RBM38: variants seen among roughly 807,000 people sequenced by gnomAD.
The protein encoded by RBM38 is RNA-binding protein 38.
RBM38 carries 11 observed loss-of-function variants against 23.5 expected under a neutral mutation model. The ratio of observed to expected loss-of-function variants is 0.47; its 90% CI spans 0.29 to 0.77. The LOEUF (loss-of-function observed/expected upper bound fraction) is 0.77. Ranked by LOEUF, RBM38 falls within the 30% of genes least tolerant of loss-of-function variation. RBM38 has a pLI of 0.08. For missense variants in RBM38, 330 were observed against 351.9 expected, an observed-to-expected ratio of 0.94 and a Z score of 0.50; for synonymous variants, 165 against 166.1, an observed-to-expected ratio of 0.99 and a Z score of 0.05.
chr20:57,393,959 A>G (rs1054201003), intron 3 of RBM38, among the ~76,000 whole-genome samples: 13 of 151,708 alleles, frequency 8.6e-5, no homozygotes, highest in Non-Finnish European at 1.8e-4. Context: ...TTTTTAAAAC[A>G]TCTAGTAAGT....
Position 57,408,437 on chromosome 20 carries a change from G to A in RBM38, c.*591G>A, listed in dbSNP as rs550973283. The A allele has an allele frequency of 2.6e-5, 4 of 152,854 alleles. No homozygotes were observed. The highest frequency in any genetic ancestry group is 2.1e-4 in the South Asian group (1 of 4,866). The allele number at this position is 152,854 out of a possible 1,614,324, so 9.5% of individuals were successfully genotyped here. On this transcript the variant is annotated 3_prime_UTR_variant, in exon 4 of 4. Coordinates refer to ENST00000356208, the MANE Select transcript of RBM38 (RefSeq NM_017495.6). ...AGCTCCCAGGCGCACAGGGGCCGCC[G>A]GTAACAGGGGCCGCCGGCCAAAGGC...
intron 3 of RBM38, among the ~76,000 whole-genome samples, chr20:57,404,753 G>T (rs1408745836): frequency 6.6e-6 from 1 of 152,278 alleles, no homozygotes; most frequent in South Asian, 2.1e-4. Flanking sequence ...ATCCAGTGGG[G>T]CATCGGGCAG....
chr20:57,402,836 CTCTT>C (rs1046564022), intron 3 of RBM38, among the ~76,000 whole-genome samples: 1 of 152,264 alleles, frequency 6.6e-6, no homozygotes, highest in African/African-American at 2.4e-5. Context: ...CCCTCTGTCT[CTCTT>C]TGCTCCCACC....
intron 3 of RBM38, among the ~76,000 whole-genome samples, chr20:57,401,392 C>T (rs556163989): frequency 1.3e-5 from 2 of 152,326 alleles, no homozygotes; most frequent in Admixed American, 6.5e-5. Flanking sequence ...CTGCCTGTCC[C>T]TCCAGCCTGC....
chr20:57,391,859 C>A, intron 1 of RBM38, 41 bp downstream of exon 1: 1 of 1,390,558 alleles, frequency 7.2e-7, no homozygotes, highest in Non-Finnish European at 9.5e-7. Context: ...CCGCCGCACA[C>A]CTTATCGCGG....
rs374953534 is a variant in RBM38 at position 57,407,519 on chromosome 20, A to G, written c.417-24A>G. ...TATTCCCCAACTCCGTTCTGGCCCT[A>G]ACCTGCTCTGCTTGGCCCCACAGGC... is the stretch of plus-strand genomic sequence containing the variant. On this transcript the variant is annotated intron_variant, in intron 3 of 3. Transcript: ENST00000356208. The surrounding 1 kb of genome is among the most constrained non-coding windows in gnomAD (Gnocchi z 4.0). 6.2e-7 allele frequency: 1 copy of G among 1,609,794 alleles called. No individual in the cohort carries two copies. The highest frequency in any genetic ancestry group is 1.3e-5 in the African/African-American group (1 of 74,552).
At position 57,407,608 on chromosome 20, in the gene RBM38, C is replaced by T. The variant is rs2067400161; in HGVS notation, c.482C>T (p.Pro161Leu). Reference sequence around the variant, plus strand: ...CCCAGCGTGGTGATCCCAGCCGCCCCTGTCCCGTCGCTGTCCTCGCCCTAC... The same window carrying T: ...CCCAGCGTGGTGATCCCAGCCGCCCTTGTCCCGTCGCTGTCCTCGCCCTAC... ...VQPSVVIPAA[P>L]VPSLSSPYIE... is the part of the protein sequence containing the mutation. Residue 161 changes from proline to leucine, a missense_variant, in exon 4 of 4, where the codon CCT becomes CTT. This residue lies in a region of RBM38 where 227 missense variants were observed against 216.4 expected (regional missense o/e 1.05). Coordinates refer to ENST00000356208, the MANE Select transcript of RBM38 (RefSeq NM_017495.6). This position sits in a 1 kb window ranked among gnomAD's most constrained non-coding sequence, Gnocchi z 4.0. The T allele has an allele frequency of 1.2e-6, 2 of 1,613,796 alleles. No homozygotes were observed. Among genetic ancestry groups the T allele is most frequent in the Non-Finnish European group, 1.7e-6 (2 of 1,179,868 alleles).
intron 3 of RBM38, among the ~76,000 whole-genome samples, chr20:57,400,447 G>A (rs2067315946): frequency 6.6e-6 from 1 of 152,182 alleles, no homozygotes; most frequent in Non-Finnish European, 1.5e-5. Flanking sequence ...TCCCGGCATG[G>A]CCTGGCCTTT....
At chr20:57,398,634 G>A (rs375082824) in intron 3 of RBM38, among the ~76,000 whole-genome samples, 42 of 152,386 alleles carry the variant, frequency 2.8e-4, no homozygotes, top group African/African-American at 8.2e-4. Flanking sequence ...GCGGGCGCCC[G>A]TGCCGCACCT....
Position 57,391,439 on chromosome 20 carries a change from G to C in RBM38, c.-143G>C, listed in dbSNP as rs8115090. On this transcript the variant is annotated 5_prime_UTR_variant, in exon 1 of 4. Coordinates refer to ENST00000356208, the MANE Select transcript of RBM38 (RefSeq NM_017495.6). Reference sequence around the variant, plus strand: ...CGGTCGGGAGCGCAGCGCGGCGCACGTCGGCGCGCACGGCGGGACGGGCGC... The same window carrying C: ...CGGTCGGGAGCGCAGCGCGGCGCACCTCGGCGCGCACGGCGGGACGGGCGC... The C allele has an allele frequency of 0.97, 145,495 of 150,316 alleles. 70,489 individuals are homozygous for C. The highest frequency in any genetic ancestry group is 1 in the East Asian group (5,084 of 5,088). 9.3% of individuals were successfully genotyped at this position (150,316 alleles called of 1,614,324 possible). A position where few individuals can be genotyped will look rare whatever the true frequency, so the allele number is the denominator to read the frequency against.
chr20:57,406,056 G>T (rs2067380386), intron 3 of RBM38, among the ~76,000 whole-genome samples: 1 of 152,232 alleles, frequency 6.6e-6, no homozygotes, highest in African/African-American at 2.4e-5. Context: ...GGCGGGCCTG[G>T]CCTGTGTAAC....
At chr20:57,404,211 G>A (rs982838639) in intron 3 of RBM38, among the ~76,000 whole-genome samples, 4 of 152,224 alleles carry the variant, frequency 2.6e-5, no homozygotes, top group African/African-American at 9.6e-5. Flanking sequence ...CACAGCCCCA[G>A]GCACTTGTGT....
chr20:57,391,674 C>T lies in RBM38; in HGVS notation c.93C>T (p.Thr31=). The T allele has an allele frequency of 6.6e-7, 1 of 1,511,294 alleles. No homozygotes were observed. Among genetic ancestry groups the T allele is most frequent in the Non-Finnish European group, 8.9e-7 (1 of 1,126,892 alleles). The allele number at this position is 1,511,294 out of a possible 1,614,324, so 93.6% of individuals were successfully genotyped here. The change falls in exon 1 of 4, where the codon ACC becomes ACT. Residue 31 remains threonine, a synonymous_variant. Coordinates refer to ENST00000356208, the MANE Select transcript of RBM38 (RefSeq NM_017495.6). ...PGAMHGSQKD[T]TFTKIFVGGL... is the part of the protein sequence containing the mutation. Reference sequence around the variant, plus strand: ...CCATGCACGGCTCGCAGAAGGACACCACGTTCACCAAGATCTTCGTGGGCG... The same window carrying T: ...CCATGCACGGCTCGCAGAAGGACACTACGTTCACCAAGATCTTCGTGGGCG...
intron 3 of RBM38, among the ~76,000 whole-genome samples, chr20:57,393,635 C>T (rs1481245962): frequency 1.3e-5 from 2 of 151,984 alleles, no homozygotes; most frequent in Non-Finnish European, 2.9e-5. Flanking sequence ...CATCTGAGTT[C>T]TCTGAATGGA....
chr20:57,391,747 G>T lies in RBM38; in HGVS notation c.166G>T (p.Gly56Cys). Residue 56 changes from glycine to cysteine, a missense_variant, in exon 1 of 4, where the codon GGC becomes TGC. Around this residue, in one of 3 missense-constraint regions of RBM38, gnomAD observed 95 missense variants for 111.9 expected, o/e 0.85. Coordinates refer to ENST00000356208, the MANE Select transcript of RBM38 (RefSeq NM_017495.6). Reference sequence around the variant, plus strand: ...CGCCTCGCTCAGGAAGTACTTCGAGGGCTTCGGCGACATCGAGGAGGCCGT... The same window carrying T: ...CGCCTCGCTCAGGAAGTACTTCGAGTGCTTCGGCGACATCGAGGAGGCCGT... The part of the protein sequence containing the change: ...TDASLRKYFE[G>C]FGDIEEAVVI... The T allele has an allele frequency of 6.4e-7, 1 of 1,570,212 alleles. No homozygotes were observed. Among genetic ancestry groups the T allele is most frequent in the East Asian group, 2.4e-5 (1 of 41,232 alleles).
intron 3 of RBM38, 143 bp downstream of exon 3, chr20:57,393,476 C>G (rs969355693): frequency 3.2e-6 from 3 of 923,656 alleles, no homozygotes; most frequent in Non-Finnish European, 5.3e-6. Flanking sequence ...GAAGAGAAGG[C>G]AGATTGCACT....
At position 57,391,826 on chromosome 20, in the gene RBM38, G is replaced by A; in HGVS notation, c.237+8G>A. ...TCCCGCGGCTACGGCTTCGTAAGTG[G>A]CCCCCGCGCCCGGGCCCGCACCCCG... is the stretch of plus-strand genomic sequence containing the variant. On this transcript the variant is annotated splice_region_variant and intron_variant, in intron 1 of 3. Coordinates refer to ENST00000356208, the MANE Select transcript of RBM38 (RefSeq NM_017495.6). The A allele has an allele frequency of 3.3e-6, 5 of 1,530,024 alleles. No homozygotes were observed. Among genetic ancestry groups the A allele is most frequent in the East Asian group, 2.7e-5 (1 of 37,100 alleles). 94.8% of individuals were successfully genotyped at this position (1,530,024 alleles called of 1,614,324 possible).
chr20:57,408,796 GCGA>G lies in RBM38; in HGVS notation c.*953_*955del, dbSNP rs1402823002. 2 of 152,396 alleles carry G rather than the reference GCGA, an allele frequency of 1.3e-5. No homozygotes were observed. Among genetic ancestry groups the G allele is most frequent in the Non-Finnish European group, 2.9e-5 (2 of 68,036 alleles). 9.4% of individuals were successfully genotyped at this position (152,396 alleles called of 1,614,324 possible). On this transcript the variant is annotated 3_prime_UTR_variant, in exon 4 of 4. Coordinates refer to ENST00000356208, the MANE Select transcript of RBM38 (RefSeq NM_017495.6). Reference sequence around the variant, plus strand: ...TGAGTTGTCTCAGGACCCCGTCACTGCGACGTTGACACTCCTCTCCCTTCCCTT... The same window carrying G: ...TGAGTTGTCTCAGGACCCCGTCACTGCGTTGACACTCCTCTCCCTTCCCTT...
intron 3 of RBM38, chr20:57,400,076 G>A (rs568727808): frequency 1.3e-5 from 6 of 445,806 alleles, no homozygotes; most frequent in African/African-American, 1.2e-4. Context: ...GACTCTGCCG[G>A]AGGCCCAAGC....
Sources: allele counts gnomAD v4.1 joint callset (sites outside exome capture counted in the v4.1 genomes callset), GRCh38; gene constraint gnomAD v4.1.1; regional missense constraint gnomAD v4.1.1; non-coding constraint Gnocchi (gnomAD v3.1); transcripts MANE v1.5; gene names NCBI Gene and HGNC (gene_info 2026-07-23, HGNC 2026-07-21).